Variants in CYP39A1 observed in about 807,000 individuals in gnomAD.
The protein encoded by CYP39A1 is 24-hydroxycholesterol 7-alpha-hydroxylase.
Under a neutral mutation model 58.1 loss-of-function variants are expected in CYP39A1, and 49 were observed. The ratio of observed to expected loss-of-function variants is 0.84; its 90% CI spans 0.67 to 1.07. The LOEUF (loss-of-function observed/expected upper bound fraction) is 1.07. Among genes scored for constraint, CYP39A1 ranks in the 50% least tolerant of loss-of-function variants. CYP39A1 has a pLI of 0.00. For synonymous variants in CYP39A1, 209 were observed against 187.6 expected, an observed-to-expected ratio of 1.11 and a Z score of -0.93; for missense variants, 531 against 539.4, an observed-to-expected ratio of 0.98 and a Z score of 0.16.
chr6:46,641,970 G>A (rs3948584), intron 2 of CYP39A1, among the ~76,000 whole-genome samples, 193 bp downstream of exon 2: 1 of 152,134 alleles, frequency 6.6e-6, no homozygotes, highest in Non-Finnish European at 1.5e-5. Context: ...AAATGTATTA[G>A]GCTGCCATTC....
intron 10 of CYP39A1, among the ~76,000 whole-genome samples, chr6:46,557,100 A>G (rs2150479314): frequency 6.6e-6 from 1 of 152,224 alleles, no homozygotes; most frequent in Non-Finnish European, 1.5e-5. Context: ...AAATGCTGCC[A>G]AAGAAAAGAT....
At chr6:46,586,630 A>G (rs760164959) in intron 10 of CYP39A1, 14 of 934,104 alleles carry the variant, frequency 1.5e-5, no homozygotes, top group Non-Finnish European at 1.8e-5. Flanking sequence ...AGTTTTCACA[A>G]GCCAAACTAA....
intron 7 of CYP39A1, among the ~76,000 whole-genome samples, chr6:46,619,504 T>C (rs1219068712): frequency 2.6e-5 from 4 of 151,824 alleles, no homozygotes; most frequent in African/African-American, 9.7e-5. Context: ...AAATATAGAG[T>C]AAGACAAGTC....
intron 10 of CYP39A1, among the ~76,000 whole-genome samples, chr6:46,555,219 A>C (rs138466025): frequency 6.4e-4 from 97 of 152,314 alleles, no homozygotes; most frequent in Admixed American, 5.0e-3. Flanking sequence ...TCTCTGAATG[A>C]TGATGCTCTG....
At chr6:46,640,354 C>T (rs1397559668) in intron 2 of CYP39A1, among the ~76,000 whole-genome samples, 1 of 152,128 alleles carries the variant, frequency 6.6e-6, no homozygotes, top group East Asian at 1.9e-4. Flanking sequence ...CAATCCCACA[C>T]ACTTATACCT....
At position 46,637,895 on chromosome 6, in the gene CYP39A1, T is replaced by A; in HGVS notation, c.572A>T (p.His191Leu). 6.2e-7 allele frequency: 1 copy of A among 1,612,864 alleles called. No individual in the cohort carries two copies. Among genetic ancestry groups the A allele is most frequent in the Non-Finnish European group, 8.5e-7 (1 of 1,179,730 alleles). ...TTCATCATAAACTTGAAAATACTGA[T>A]GGAACTCCTTGATTTTTTTCTTGTT... ...STNKKKIKEF[H>L]QYFQVYDEDF... The change falls in exon 4 of 12, where the codon CAT (histidine) becomes CTT (leucine). Residue 191 changes from histidine to leucine, a missense_variant. His to Leu is a moderately conservative substitution (Grantham distance 99). Coordinates refer to ENST00000275016, the MANE Select transcript of CYP39A1 (RefSeq NM_016593.5).
intron 10 of CYP39A1, among the ~76,000 whole-genome samples, chr6:46,564,801 T>A (rs1020128072): frequency 6.6e-6 from 1 of 152,144 alleles, no homozygotes; most frequent in Non-Finnish European, 1.5e-5. Context: ...AGGTCTGAAG[T>A]ATATTCCTAG....
chr6:46,571,679 T>G (rs577598084), intron 10 of CYP39A1, among the ~76,000 whole-genome samples: 2 of 152,034 alleles, frequency 1.3e-5, no homozygotes, highest in East Asian at 3.9e-4. Context: ...TTTTTACCAA[T>G]TCAGTTATTA....
chr6:46,648,273 C>T (rs1026574362), intron 1 of CYP39A1, among the ~76,000 whole-genome samples: 86 of 152,046 alleles, frequency 5.7e-4, no homozygotes, highest in Admixed American at 9.8e-4. Flanking sequence ...AAATGTCCAT[C>T]AATGATAGAC....
At chr6:46,590,264 C>A (rs899243001) in intron 8 of CYP39A1, among the ~76,000 whole-genome samples, 2 of 152,138 alleles carry the variant, frequency 1.3e-5, no homozygotes, top group African/African-American at 4.8e-5. Context: ...CTCAGGTAGA[C>A]AGAATTGAGC....
intron 10 of CYP39A1, among the ~76,000 whole-genome samples, chr6:46,575,461 A>T (rs1771801215): frequency 6.6e-6 from 1 of 152,144 alleles, no homozygotes; most frequent in Admixed American, 6.5e-5. Flanking sequence ...TGCCCAGCCA[A>T]AGTGCTTGTC....
At chr6:46,608,311 T>A (rs1300351098) in intron 7 of CYP39A1, among the ~76,000 whole-genome samples, 1 of 152,230 alleles carries the variant, frequency 6.6e-6, no homozygotes, top group Admixed American at 6.5e-5. Context: ...GATTTCTGGC[T>A]TATTTTCTCA....
At chr6:46,638,298 T>C (rs1776119793) in intron 3 of CYP39A1, among the ~76,000 whole-genome samples, 1 of 152,168 alleles carries the variant, frequency 6.6e-6, no homozygotes, top group East Asian at 1.9e-4. Context: ...TAGCAAATAA[T>C]AGTAGCTAAG....
At chr6:46,561,655 T>C (rs1022135136) in intron 10 of CYP39A1, among the ~76,000 whole-genome samples, 1 of 152,026 alleles carries the variant, frequency 6.6e-6, no homozygotes, top group African/African-American at 2.4e-5. Context: ...CCTCAATAGA[T>C]TGTGCTGATT....
chr6:46,555,109 GC>G (rs1476859449), intron 10 of CYP39A1, among the ~76,000 whole-genome samples: 2 of 151,804 alleles, frequency 1.3e-5, no homozygotes, highest in Non-Finnish European at 2.9e-5. Context: ...AATACAGCCA[GC>G]CCTTGAAGAT....
At chr6:46,556,401 A>G (rs1246524732) in intron 10 of CYP39A1, among the ~76,000 whole-genome samples, 7 of 152,228 alleles carry the variant, frequency 4.6e-5, no homozygotes. Context: ...TCACAGAAAG[A>G]GAGCGCACAA....
chr6:46,597,351 C>A (rs762341001), intron 7 of CYP39A1, among the ~76,000 whole-genome samples: 1 of 151,996 alleles, frequency 6.6e-6, no homozygotes, highest in Non-Finnish European at 1.5e-5. Context: ...ACTAGTACAA[C>A]ATGTAGGCAA....
intron 10 of CYP39A1, among the ~76,000 whole-genome samples, chr6:46,584,466 C>T (rs574571853): frequency 2.9e-4 from 44 of 152,204 alleles, no homozygotes; most frequent in African/African-American, 8.2e-4. Context: ...ACCTGACCCC[C>T]GCTTCTAATC....
At chr6:46,583,701 C>G in intron 10 of CYP39A1, 1 of 504,658 alleles carries the variant, frequency 2.0e-6, no homozygotes, top group Non-Finnish European at 2.6e-6. Context: ...TCCAAACCTA[C>G]TTTCAGAACC....
Sources: gnomAD v4.1 joint callset for allele counts (sites outside exome capture counted in the v4.1 genomes callset) on GRCh38, gnomAD v4.1.1 for gene constraint, MANE v1.5 for transcripts, NCBI Gene and HGNC (gene_info 2026-07-23, HGNC 2026-07-21) for gene names.